Variants in GALNTL6 observed in about 807,000 individuals in gnomAD.
The protein encoded by GALNTL6 is polypeptide N-acetylgalactosaminyltransferase like 6.
GALNTL6 carries 46 observed loss-of-function variants against 73.7 expected under a neutral mutation model. The observed-to-expected ratio is 0.62, with a 90% CI of 0.49 to 0.80. GALNTL6 has a LOEUF of 0.80. Ranked by LOEUF, GALNTL6 falls within the 30% of genes least tolerant of loss-of-function variation. GALNTL6 has a pLI of 0.00. For missense variants in GALNTL6, 604 were observed against 755.0 expected (o/e 0.80, Z 2.34); for synonymous variants, 259 against 263.7 (o/e 0.98, Z 0.17).
intron 5 of GALNTL6, among the ~76,000 whole-genome samples, chr4:172,361,302 G>C (rs531290171): frequency 7.6e-5 from 1 of 13,084 alleles, no homozygotes; most frequent in South Asian, 0.045. Flanking sequence ...TGAGTACTAT[G>C]AAGGTCCTTT....
chr4:172,212,859 CAG>C (rs1036237644), intron 2 of GALNTL6, among the ~76,000 whole-genome samples: 1 of 151,434 alleles, frequency 6.6e-6, no homozygotes, highest in African/African-American at 2.4e-5. Flanking sequence ...TTAGTAGAAA[CAG>C]GGTTTCTCCA....
intron 8 of GALNTL6, among the ~76,000 whole-genome samples, chr4:172,893,907 T>C (rs1253219915): frequency 5.9e-5 from 9 of 152,190 alleles, no homozygotes; most frequent in Non-Finnish European, 1.3e-4. Flanking sequence ...ATGTCCACAG[T>C]GGGAGTGTGG....
At chr4:172,624,646 A>G (rs1739092948) in intron 5 of GALNTL6, among the ~76,000 whole-genome samples, 1 of 152,102 alleles carries the variant, frequency 6.6e-6, no homozygotes, top group Non-Finnish European at 1.5e-5. Context: ...GGAGACTAAC[A>G]AGTATCTACT....
intron 5 of GALNTL6, among the ~76,000 whole-genome samples, chr4:172,390,018 T>C (rs1743603925): frequency 6.6e-6 from 1 of 152,278 alleles, no homozygotes; most frequent in South Asian, 2.1e-4. Context: ...ATGAATGATA[T>C]ACTTTCTCAC....
At chr4:172,971,399 G>C (rs1750576231) in intron 10 of GALNTL6, among the ~76,000 whole-genome samples, 1 of 152,236 alleles carries the variant, frequency 6.6e-6, no homozygotes, top group South Asian at 2.1e-4. Flanking sequence ...TGGAGAAGGA[G>C]CATTAGAAAA....
At chr4:171,954,741 A>T (rs909538780) in intron 2 of GALNTL6, among the ~76,000 whole-genome samples, 1 of 152,074 alleles carries the variant, frequency 6.6e-6, no homozygotes, top group African/African-American at 2.4e-5. Context: ...ATGTTGGTGG[A>T]GGGGCATGGT....
intron 2 of GALNTL6, among the ~76,000 whole-genome samples, chr4:172,063,215 C>T (rs370498675): frequency 2.0e-5 from 3 of 152,192 alleles, no homozygotes; most frequent in African/African-American, 7.2e-5. Context: ...AAGCACTTTG[C>T]TTCACTTTCT....
At chr4:172,310,316 G>A (rs777616476) in intron 3 of GALNTL6, among the ~76,000 whole-genome samples, 4 of 151,408 alleles carry the variant, frequency 2.6e-5, no homozygotes, top group Non-Finnish European at 5.9e-5. Context: ...TGTCACCCAT[G>A]CTGGAATGCA....
chr4:172,370,956 C>T (rs1265362950), intron 5 of GALNTL6, among the ~76,000 whole-genome samples: 1 of 152,170 alleles, frequency 6.6e-6, no homozygotes, highest in Non-Finnish European at 1.5e-5. Flanking sequence ...TTTTAGCAAA[C>T]TTTACTTTAG....
chr4:172,330,128 T>C (rs1006185229), intron 4 of GALNTL6, among the ~76,000 whole-genome samples: 1 of 152,224 alleles, frequency 6.6e-6, no homozygotes, highest in African/African-American at 2.4e-5. Context: ...ATTCATCCCC[T>C]TTTCTAGGGG....
intron 10 of GALNTL6, among the ~76,000 whole-genome samples, chr4:172,956,999 G>C (rs1459215818): frequency 6.6e-6 from 1 of 152,186 alleles, no homozygotes; most frequent in Admixed American, 6.5e-5. Flanking sequence ...GAAGAGAAGA[G>C]ATGACCGTGG....
rs569577882 is a variant in GALNTL6 at position 172,661,846 on chromosome 4, G to A, written c.554-147515G>A. Among the ~76,000 whole-genome samples, 7 of 152,286 alleles carry A rather than the reference G, an allele frequency of 4.6e-5. No homozygotes were observed. In the South Asian group the frequency reaches 1.4e-3, roughly 32 times the overall value. ...TATTGAACACCCTTATCACAGGGAGGCAACAATGGTGAGTGGGTGAATGAC... is the reference window on the plus strand; with the variant it reads ...TATTGAACACCCTTATCACAGGGAGACAACAATGGTGAGTGGGTGAATGAC... On this transcript the variant is annotated intron_variant, in intron 5 of 12. Coordinates refer to ENST00000506823, the MANE Select transcript of GALNTL6 (RefSeq NM_001034845.3).
At chr4:172,141,508 GTAAT>G (rs1459067881) in intron 2 of GALNTL6, among the ~76,000 whole-genome samples, 1 of 152,004 alleles carries the variant, frequency 6.6e-6, no homozygotes, top group East Asian at 1.9e-4. Context: ...CATATAATGA[GTAAT>G]TAGTTTAAGT....
chr4:173,020,883 G>A (rs555089204), intron 11 of GALNTL6, among the ~76,000 whole-genome samples: 9 of 152,304 alleles, frequency 5.9e-5, no homozygotes, highest in African/African-American at 2.2e-4. Flanking sequence ...GACTAGCCTA[G>A]CCAACATGGT....
At chr4:171,857,313 C>T (rs949886431) in intron 2 of GALNTL6, among the ~76,000 whole-genome samples, 7 of 151,912 alleles carry the variant, frequency 4.6e-5, no homozygotes, top group South Asian at 2.1e-4. Context: ...AATATTACCC[C>T]GAAAAATGCT....
At chr4:172,996,567 A>G (rs28535228) in intron 10 of GALNTL6, among the ~76,000 whole-genome samples, 375 of 152,354 alleles carry the variant, frequency 2.5e-3, no homozygotes, top group African/African-American at 8.2e-3. Context: ...TTAACTTAAA[A>G]GAAGAATTAA....
At chr4:172,490,305 A>G (rs895721847) in intron 5 of GALNTL6, among the ~76,000 whole-genome samples, 1 of 152,204 alleles carries the variant, frequency 6.6e-6, no homozygotes, top group South Asian at 2.1e-4. Context: ...AAAAAATGCT[A>G]TAAGCTTTTT....
intron 2 of GALNTL6, among the ~76,000 whole-genome samples, chr4:171,980,971 C>T (rs941329668): frequency 2.0e-5 from 3 of 152,072 alleles, no homozygotes; most frequent in African/African-American, 7.2e-5. Context: ...TGATTAGAAT[C>T]AAGTGTTATA....
chr4:171,890,844 A>G (rs1039258536), intron 2 of GALNTL6, among the ~76,000 whole-genome samples: 2 of 152,174 alleles, frequency 1.3e-5, no homozygotes, highest in African/African-American at 4.8e-5. Flanking sequence ...TACAATATCA[A>G]GTCATTACCG....
Sources: gnomAD v4.1 joint callset for allele counts (sites outside exome capture counted in the v4.1 genomes callset) on GRCh38, gnomAD v4.1.1 for gene constraint, MANE v1.5 for transcripts, NCBI Gene and HGNC (gene_info 2026-07-23, HGNC 2026-07-21) for gene names.